Variants in HRH2 observed in about 807,000 individuals in gnomAD.
HRH2 encodes the protein histamine receptor H2.
HRH2 carries 4 observed loss-of-function variants against 20.1 expected under a neutral mutation model. The observed-to-expected ratio is 0.20, with a 90% confidence interval of 0.10 to 0.45. HRH2 has a LOEUF of 0.45. HRH2 is among the 20% of genes least tolerant of loss of function. HRH2 has a pLI of 0.99. For missense variants in HRH2, 250 were observed against 461.6 expected, an observed-to-expected ratio of 0.54 and a Z score of 4.20; for synonymous variants, 197 against 200.7, an observed-to-expected ratio of 0.98 and a Z score of 0.16.
chr5:175,680,601 G>A (rs893771602), intron 1 of HRH2, among the ~76,000 whole-genome samples: 1 of 152,214 alleles, frequency 6.6e-6, no homozygotes, highest in Admixed American at 6.5e-5. Context: ...TGACAAGGGT[G>A]ACATGATTCT....
chr5:175,700,142 A>G (rs942713127), intron 2 of HRH2, among the ~76,000 whole-genome samples: 5 of 152,210 alleles, frequency 3.3e-5, no homozygotes, highest in African/African-American at 1.2e-4. Context: ...CACTCCTAGC[A>G]TGCAGTTGCT....
chr5:175,672,607 C>G (rs754827440), intron 1 of HRH2, among the ~76,000 whole-genome samples: 1 of 152,152 alleles, frequency 6.6e-6, no homozygotes, highest in East Asian at 1.9e-4. Flanking sequence ...GATATTGTTA[C>G]GATGGTTATT....
At chr5:175,661,919 G>A (rs1347580953) in intron 1 of HRH2, among the ~76,000 whole-genome samples, 1 of 152,198 alleles carries the variant, frequency 6.6e-6, no homozygotes, top group African/African-American at 2.4e-5. Context: ...CTACTCGGGA[G>A]GCTGAGGCAG....
chr5:175,659,504 A>G (rs373054140), intron 1 of HRH2, among the ~76,000 whole-genome samples: 2 of 152,160 alleles, frequency 1.3e-5, no homozygotes, highest in African/African-American at 4.8e-5. Context: ...CATTACAAGT[A>G]CGGCGTTGGT....
At chr5:175,685,645 T>G in intron 2 of HRH2, 1 of 653,566 alleles carries the variant, frequency 1.5e-6, no homozygotes, top group Non-Finnish European at 2.8e-6. Flanking sequence ...TTGAGCAAGT[T>G]CCTCCCCATC....
At chr5:175,696,537 A>C (rs920300133) in intron 2 of HRH2, among the ~76,000 whole-genome samples, 9 of 152,198 alleles carry the variant, frequency 5.9e-5, no homozygotes, top group Non-Finnish European at 1.0e-4. Flanking sequence ...TGTCATATCG[A>C]TCATGTGGAG....
Position 175,683,611 on chromosome 5 carries a change from C to T in HRH2, c.378C>T (p.Tyr126=). 6.2e-7 allele frequency: 1 copy of T among 1,614,202 alleles called. No homozygotes were observed. The highest frequency in any genetic ancestry group is 1.6e-4 in the Middle Eastern group (1 of 6,062). ...RYCAVMDPLR[Y]PVLVTPVRVA... Reference sequence around the variant, plus strand: ...GCGCTGTCATGGACCCACTGCGGTACCCTGTGCTGGTCACCCCAGTTCGGG... The same window carrying T: ...GCGCTGTCATGGACCCACTGCGGTATCCTGTGCTGGTCACCCCAGTTCGGG... Residue 126 remains tyrosine (Y), a synonymous_variant, in exon 2 of 3, where the codon TAC becomes TAT. Coordinates refer to ENST00000636584, the MANE Select transcript of HRH2 (RefSeq NM_001367711.1).
At chr5:175,684,729 G>A (rs553807124) in intron 2 of HRH2, among the ~76,000 whole-genome samples, 1 of 152,274 alleles carries the variant, frequency 6.6e-6, no homozygotes, top group South Asian at 2.1e-4. Flanking sequence ...CCACTTGACG[G>A]GCCTGTTGTG....
chr5:175,701,123 G>A (rs572423248), intron 2 of HRH2, among the ~76,000 whole-genome samples: 7 of 152,260 alleles, frequency 4.6e-5, no homozygotes, highest in African/African-American at 1.2e-4. Flanking sequence ...CTGTGAGGTC[G>A]TTATTATTAA....
chr5:175,665,050 A>C (rs541609954), intron 1 of HRH2, among the ~76,000 whole-genome samples: 1 of 152,352 alleles, frequency 6.6e-6, no homozygotes, highest in South Asian at 2.1e-4. Flanking sequence ...GCAGGAGGCC[A>C]GGAACTTAAT....
At chr5:175,702,545 C>CCT (rs1756818038) in intron 2 of HRH2, among the ~76,000 whole-genome samples, 1 of 86,088 alleles carries the variant, frequency 1.2e-5, no homozygotes, top group African/African-American at 5.0e-5. Context: ...AGTATACCAT[C>CCT]TTTTTTTTTT....
At chr5:175,703,392 C>T (rs891692119) in intron 2 of HRH2, among the ~76,000 whole-genome samples, 3 of 152,102 alleles carry the variant, frequency 2.0e-5, no homozygotes, top group Non-Finnish European at 4.4e-5. Flanking sequence ...GAAAATACTG[C>T]ACATCAAAGC....
chr5:175,665,360 G>A (rs1762856517), intron 1 of HRH2, among the ~76,000 whole-genome samples: 1 of 152,122 alleles, frequency 6.6e-6, no homozygotes, highest in Admixed American at 6.5e-5. Flanking sequence ...CCGGACCCAG[G>A]ATCTGGATAT....
At chr5:175,682,007 CAAAA>C (rs778623655) in intron 1 of HRH2, among the ~76,000 whole-genome samples, 12 of 151,882 alleles carry the variant, frequency 7.9e-5, no homozygotes, top group Non-Finnish European at 1.3e-4. Flanking sequence ...GGAAAAAAAT[CAAAA>C]AAAGGAGATT....
rs770017004 is a variant in HRH2, at chr5:175,683,603, C to T, written c.370C>T (p.Leu124=). ...CCGGTACTGCGCTGTCATGGACCCA[C>T]TGCGGTACCCTGTGCTGGTCACCCC... ...LDRYCAVMDP[L]RYPVLVTPVR... The change falls in exon 2 of 3, where the codon CTG becomes TTG. Residue 124 remains leucine (L), a synonymous_variant. Coordinates refer to ENST00000636584, the MANE Select transcript of HRH2 (RefSeq NM_001367711.1). 5 of 1,614,122 alleles carry T rather than the reference C, an allele frequency of 3.1e-6. No homozygotes were observed. The highest frequency in any genetic ancestry group is 3.4e-6 in the Non-Finnish European group (4 of 1,180,054).
intron 1 of HRH2, among the ~76,000 whole-genome samples, chr5:175,676,494 C>G (rs1422577714): frequency 2.0e-5 from 3 of 152,218 alleles, no homozygotes; most frequent in South Asian, 2.1e-4. Flanking sequence ...CTGTGTATCC[C>G]CAGCCCCTGC....
At chr5:175,690,481 T>G (rs2113532867) in intron 2 of HRH2, among the ~76,000 whole-genome samples, 1 of 152,310 alleles carries the variant, frequency 6.6e-6, no homozygotes, top group East Asian at 1.9e-4. Flanking sequence ...GACAGGTACT[T>G]CAGCAAACGA....
rs963920197 is a variant in HRH2, at chr5:175,693,120, T to C, written c.1076+8811T>C. Among the ~76,000 whole-genome samples, 1 of 152,142 alleles carries C rather than the reference T, an allele frequency of 6.6e-6. No homozygotes were observed. Among genetic ancestry groups the C allele is most frequent in the Non-Finnish European group, 1.5e-5 (1 of 68,024 alleles). ...CCCTCTCTGAGTCCCAATTTCCCCA[T>C]CTGTAAAAGAGAGCTAAGAATTCTG... On this transcript the variant is annotated intron_variant, in intron 2 of 2. Transcript: ENST00000636584. The surrounding 1 kb of genome is among the most constrained non-coding windows in gnomAD (Gnocchi z 4.4).
intron 2 of HRH2, 105 bp downstream of exon 2, chr5:175,684,414 C>G (rs1362049526): frequency 1.4e-6 from 2 of 1,480,662 alleles, no homozygotes; most frequent in Admixed American, 4.5e-5. Flanking sequence ...GGTTTATGTT[C>G]TAGGAACTCT....
Sources: gnomAD v4.1 joint callset for allele counts (sites outside exome capture counted in the v4.1 genomes callset) on GRCh38, gnomAD v4.1.1 for gene constraint, Gnocchi (gnomAD v3.1) non-coding constraint, MANE v1.5 for transcripts, NCBI Gene and HGNC (gene_info 2026-07-23, HGNC 2026-07-21) for gene names.